Variants in SEZ6L observed in about 807,000 individuals in gnomAD.
SEZ6L encodes seizure related 6 homolog like.
Under a neutral mutation model 106.2 loss-of-function variants are expected in SEZ6L, and 37 were observed. The observed-to-expected ratio is 0.35, with a 90% confidence interval of 0.27 to 0.46. SEZ6L has a LOEUF of 0.46. SEZ6L is among the 20% of genes least tolerant of loss of function. The probability of loss-of-function intolerance (pLI) is 1.00; values close to 1 mark genes in which losing one functional copy is unlikely to be tolerated. For synonymous variants in SEZ6L, 541 were observed against 570.4 expected (o/e 0.95, Z 0.73); for missense variants, 1,172 against 1,332.8 (o/e 0.88, Z 1.88).
At chr22:26,299,998 G>A (rs920228486) in intron 5 of SEZ6L, among the ~76,000 whole-genome samples, 17 of 152,112 alleles carry the variant, frequency 1.1e-4, no homozygotes, top group Admixed American at 9.8e-4. Context: ...TCTTTTCCAT[G>A]TTGTTGTTTT....
At chr22:26,227,951 C>G (rs1480156258) in intron 1 of SEZ6L, among the ~76,000 whole-genome samples, 1 of 152,180 alleles carries the variant, frequency 6.6e-6, no homozygotes, top group Non-Finnish European at 1.5e-5. Context: ...AGAAGGGACA[C>G]AAGCCCCGCG....
chr22:26,309,602 C>T (rs181726228), intron 6 of SEZ6L, among the ~76,000 whole-genome samples: 3 of 151,828 alleles, frequency 2.0e-5, no homozygotes, highest in South Asian at 2.1e-4. Context: ...TTTTTAAGAC[C>T]GAGTCTTGCT....
chr22:26,322,021 G>C (rs574432177), intron 9 of SEZ6L, among the ~76,000 whole-genome samples: 1 of 152,250 alleles, frequency 6.6e-6, no homozygotes, highest in Admixed American at 6.5e-5. Context: ...AGGTCCGTGA[G>C]CAATAATAAA....
At chr22:26,309,051 G>A (rs2145918834) in intron 6 of SEZ6L, among the ~76,000 whole-genome samples, 2 of 152,288 alleles carry the variant, frequency 1.3e-5, no homozygotes, top group African/African-American at 4.8e-5. Flanking sequence ...AACTGTGGCT[G>A]CAACATTTAT....
chr22:26,174,147 G>T (rs984129350), intron 1 of SEZ6L, among the ~76,000 whole-genome samples: 2 of 152,132 alleles, frequency 1.3e-5, no homozygotes, highest in African/African-American at 4.8e-5. Context: ...GTTCTTTGGT[G>T]GGGGGATATC....
At chr22:26,262,790 T>C (rs2080058388) in intron 1 of SEZ6L, among the ~76,000 whole-genome samples, 1 of 152,218 alleles carries the variant, frequency 6.6e-6, no homozygotes, top group African/African-American at 2.4e-5. Context: ...TCAAATTCTT[T>C]ATCAAGAGAA....
At position 26,340,424 on chromosome 22, in the gene SEZ6L, C is replaced by T. The variant is rs368350787; in HGVS notation, c.2016-12C>T. 5 of 1,602,252 alleles carry T rather than the reference C, an allele frequency of 3.1e-6. No individual in the cohort carries two copies. The African/African-American group carries it at 5.4e-5, about 17-fold the overall frequency. On this transcript the variant is annotated splice_polypyrimidine_tract_variant and intron_variant, in intron 9 of 16. Coordinates refer to ENST00000248933, the MANE Select transcript of SEZ6L (RefSeq NM_021115.5). ...TATTTCACATGACTCTCCCTCTTCT[C>T]TGCCCTCCAAGCCTGAATCTGAGCA...
chr22:26,369,713 T>C (rs995028769), intron 13 of SEZ6L, among the ~76,000 whole-genome samples: 1 of 151,926 alleles, frequency 6.6e-6, no homozygotes, highest in Non-Finnish European at 1.5e-5. Context: ...CAATTAGCAT[T>C]CAAGACAGCT....
At chr22:26,373,369 G>A in intron 13 of SEZ6L, 82 bp from the exon 14 acceptor site, 1 of 1,209,962 alleles carries the variant, frequency 8.3e-7, no homozygotes. Flanking sequence ...ATGGGCTTTT[G>A]CATCAAATTT....
chr22:26,211,641 C>G (rs1037450276), intron 1 of SEZ6L, among the ~76,000 whole-genome samples: 1 of 151,334 alleles, frequency 6.6e-6, no homozygotes, highest in Admixed American at 6.6e-5. Context: ...TTAGAGCCTC[C>G]CATCCCATTC....
chr22:26,199,058 T>G (rs1192701768), intron 1 of SEZ6L, among the ~76,000 whole-genome samples: 1 of 152,192 alleles, frequency 6.6e-6, no homozygotes, highest in Non-Finnish European at 1.5e-5. Context: ...AGTCAGAGAT[T>G]ATCAGCTCTG....
intron 1 of SEZ6L, among the ~76,000 whole-genome samples, chr22:26,256,344 A>G (rs2079821139): frequency 6.6e-6 from 1 of 152,244 alleles, no homozygotes; most frequent in Non-Finnish European, 1.5e-5. Context: ...GAGGAAACCA[A>G]CATATGAATG....
At chr22:26,211,860 A>G (rs956747723) in intron 1 of SEZ6L, among the ~76,000 whole-genome samples, 1 of 151,076 alleles carries the variant, frequency 6.6e-6, no homozygotes, top group Non-Finnish European at 1.5e-5. Context: ...AAATTAAAAA[A>G]ATTAAAGAGA....
intron 11 of SEZ6L, among the ~76,000 whole-genome samples, chr22:26,348,777 A>AGGGAG (rs1569473934): frequency 4.4e-4 from 2 of 4,572 alleles, no homozygotes; most frequent in African/African-American, 4.1e-3. Context: ...AGGGGAGGGA[A>AGGGAG]GGGGAGGGAA....
chr22:26,242,394 C>T (rs936632518), intron 1 of SEZ6L, among the ~76,000 whole-genome samples: 1 of 152,234 alleles, frequency 6.6e-6, no homozygotes, highest in African/African-American at 2.4e-5. Flanking sequence ...CTCTCTACCT[C>T]TCTGAGTCTT....
At chr22:26,341,167 C>A (rs549243810) in intron 10 of SEZ6L, among the ~76,000 whole-genome samples, 1 of 152,182 alleles carries the variant, frequency 6.6e-6, no homozygotes, top group African/African-American at 2.4e-5. Flanking sequence ...GCCTTCCTTT[C>A]GCACTTCTTG....
chr22:26,182,281 G>GT, intron 1 of SEZ6L, among the ~76,000 whole-genome samples: 1 of 152,312 alleles, frequency 6.6e-6, no homozygotes, highest in South Asian at 2.1e-4. Context: ...ATTTGGCTCA[G>GT]TGCTTGGCGT....
chr22:26,292,159 A>C, intron 1 of SEZ6L: 1 of 428,400 alleles, frequency 2.3e-6, no homozygotes, highest in Non-Finnish European at 4.1e-6. Context: ...GAAGGAAGGA[A>C]GGAAGGAGGA....
Position 26,281,534 on chromosome 22 carries a change from C to A in SEZ6L, c.95-10872C>A, listed in dbSNP as rs2080768798. Among the ~76,000 whole-genome samples the A allele has an allele frequency of 2.7e-5, 4 of 149,878 alleles. No homozygotes were observed. The South Asian group carries it at 8.4e-4, about 31-fold the overall frequency. The stretch of plus-strand genomic sequence containing the variant: ...GGAATACAGGCGCCCGCCACCATGG[C>A]CGGCTACTTTTTTTAAATTTTTTTT... On this transcript the variant is annotated intron_variant, in intron 1 of 16. Transcript: ENST00000248933.
Sources: allele counts gnomAD v4.1 joint callset (sites outside exome capture counted in the v4.1 genomes callset), GRCh38; gene constraint gnomAD v4.1.1; transcripts MANE v1.5; gene names NCBI Gene and HGNC (gene_info 2026-07-23, HGNC 2026-07-21).